The following NEO1 variants were observed in gnomAD, a reference collection of about 807,000 sequenced individuals.
The protein encoded by NEO1 is neogenin 1.
Under a neutral mutation model 159.7 loss-of-function variants are expected in NEO1, and 63 were observed. That is an observed-to-expected ratio of 0.39 (90% CI 0.32 to 0.49). The LOEUF is 0.49. Among genes scored for constraint, NEO1 ranks in the 20% least tolerant of loss-of-function variants. NEO1 has a pLI of 0.85. For missense variants in NEO1, 1,615 were observed against 1,831.0 expected (o/e 0.88, Z 2.15); for synonymous variants, 633 against 662.0 (o/e 0.96, Z 0.67).
At chr15:73,179,502 G>A (rs2035477339) in intron 7 of NEO1, among the ~76,000 whole-genome samples, 1 of 152,214 alleles carries the variant, frequency 6.6e-6, no homozygotes, top group Non-Finnish European at 1.5e-5. Flanking sequence ...AGTGGATCAG[G>A]TGTAAGGGGA....
At chr15:73,151,624 G>T (rs1247228489) in intron 5 of NEO1, among the ~76,000 whole-genome samples, 1 of 152,144 alleles carries the variant, frequency 6.6e-6, no homozygotes, top group African/African-American at 2.4e-5. Context: ...GCAGGAAGGA[G>T]AAGTGCCAAG....
chr15:73,246,446 T>C (rs2039801850), intron 9 of NEO1, among the ~76,000 whole-genome samples: 1 of 152,210 alleles, frequency 6.6e-6, no homozygotes, highest in Non-Finnish European at 1.5e-5. Flanking sequence ...CAAGCTCAGT[T>C]ACCCTTCATC....
At chr15:73,052,319 C>T (rs1415809028), upstream of NEO1, among the ~76,000 whole-genome samples, 2 of 123,802 alleles carry the variant, frequency 1.6e-5, no homozygotes, top group Non-Finnish European at 3.5e-5. Context: ...GCCCCCGCCC[C>T]CGCCGTCCGC....
intron 19 of NEO1, 70 bp from the exon 20 acceptor site, chr15:73,273,741 T>C (rs1208211493): frequency 3.6e-6 from 4 of 1,100,486 alleles, no homozygotes; most frequent in Non-Finnish European, 5.4e-6. Flanking sequence ...TAATAGGTAC[T>C]TATTGATTTA....
At chr15:73,163,073 CCTAAAGGTTTTATA>C (rs1487290075) in intron 5 of NEO1, 1 of 152,028 alleles carries the variant, frequency 6.6e-6, no homozygotes, top group Admixed American at 6.6e-5. Context: ...TATTTTTCTT[CCTAAAGGTTTTATA>C]CTTTACTTGT....
At chr15:73,132,101 A>G (rs903567606) in intron 4 of NEO1, among the ~76,000 whole-genome samples, 4 of 152,196 alleles carry the variant, frequency 2.6e-5, no homozygotes, top group Non-Finnish European at 5.9e-5. Flanking sequence ...CTTGAGATGC[A>G]TGACAGCACT....
chr15:73,189,688 G>A (rs970901662), intron 7 of NEO1, among the ~76,000 whole-genome samples: 22 of 152,220 alleles, frequency 1.4e-4, no homozygotes, highest in African/African-American at 5.1e-4. Context: ...AAGAAGCTGC[G>A]TTGGAGCGTC....
At chr15:73,255,940 T>C (rs1236834783) in intron 13 of NEO1, 2 of 152,200 alleles carry the variant, frequency 1.3e-5, no homozygotes, top group African/African-American at 2.4e-5. Context: ...ATGTTTAATC[T>C]CGGGACAAAA....
At chr15:73,288,656 A>T (rs1266618669) in intron 24 of NEO1, 105 bp downstream of exon 24, 17 of 905,542 alleles carry the variant, frequency 1.9e-5, no homozygotes, top group Non-Finnish European at 2.6e-5. Context: ...TTCCTATATG[A>T]GATCAGATTT....
Position 73,178,425 on chromosome 15 carries a change from A to G in NEO1, c.1289A>G (p.His430Arg), listed in dbSNP as rs1230296224. The G allele has an allele frequency of 6.2e-7, 1 of 1,613,646 alleles. No homozygotes were observed. Among genetic ancestry groups the G allele is most frequent in the South Asian group, 1.1e-5 (1 of 91,024 alleles). Residue 430 changes from histidine (H) to arginine (R), a missense_variant and splice_region_variant, in exon 7 of 29, where the codon CAT (histidine) becomes CGT (arginine). Physicochemically the swap from His to Arg is conservative, Grantham distance 29 (BLOSUM62 0). This residue lies in a region of NEO1 where 1,018 missense variants were observed against 1,115.4 expected (regional missense o/e 0.91). Coordinates refer to ENST00000261908, the MANE Select transcript of NEO1 (RefSeq NM_002499.4). Reference sequence around the variant, plus strand: ...GGAGCCCAACTGATAATCCTTGAACATGGTAAGAAGGGCTGAAATAGTCAG... The same window carrying G: ...GGAGCCCAACTGATAATCCTTGAACGTGGTAAGAAGGGCTGAAATAGTCAG... ...QAGAQLIILE[H>R]APATTGPLPS...
At chr15:73,212,384 T>C (rs1370761332) in intron 7 of NEO1, among the ~76,000 whole-genome samples, 1 of 152,214 alleles carries the variant, frequency 6.6e-6, no homozygotes, top group African/African-American at 2.4e-5. Flanking sequence ...TAATTTACTT[T>C]TCTTCTATCC....
intron 1 of NEO1, among the ~76,000 whole-genome samples, chr15:73,090,557 G>C (rs1167622319): frequency 6.6e-6 from 1 of 152,132 alleles, no homozygotes; most frequent in Non-Finnish European, 1.5e-5. Context: ...AAAAAGGTGG[G>C]AACTGTTGAT....
At chr15:73,066,888 C>T (rs192802616) in intron 1 of NEO1, among the ~76,000 whole-genome samples, 1 of 152,180 alleles carries the variant, frequency 6.6e-6, no homozygotes, top group Non-Finnish European at 1.5e-5. Flanking sequence ...CAGATTTGTC[C>T]CTTTGGCTTT....
chr15:73,233,897 G>T (rs189151830), intron 7 of NEO1, among the ~76,000 whole-genome samples: 65 of 152,262 alleles, frequency 4.3e-4, no homozygotes, highest in Admixed American at 2.2e-3. Flanking sequence ...TCAGCTTGGG[G>T]TTTAGGTAGG....
At chr15:73,171,083 C>T (rs886598197) in intron 5 of NEO1, among the ~76,000 whole-genome samples, 4 of 151,782 alleles carry the variant, frequency 2.6e-5, no homozygotes, top group African/African-American at 9.7e-5. Flanking sequence ...TTAAATACCA[C>T]TATGGCAATG....
At chr15:73,174,865 G>C (rs2035192905) in intron 5 of NEO1, among the ~76,000 whole-genome samples, 2 of 152,192 alleles carry the variant, frequency 1.3e-5, no homozygotes, top group Admixed American at 1.3e-4. Flanking sequence ...GCTATTAATA[G>C]ATTTCCCTGA....
At chr15:73,293,763 T>C (rs2042247927) in intron 26 of NEO1, among the ~76,000 whole-genome samples, 1 of 152,244 alleles carries the variant, frequency 6.6e-6, no homozygotes, top group Admixed American at 6.5e-5. Flanking sequence ...GGTTTTCTTT[T>C]AGTAAAAACA....
chr15:73,169,643 C>CTTTTTTTT (rs35991255), intron 5 of NEO1, among the ~76,000 whole-genome samples: 1 of 105,244 alleles, frequency 9.5e-6, no homozygotes, highest in Non-Finnish European at 1.9e-5. Flanking sequence ...CTCCCCCCTC[C>CTTTTTTTT]TTTTTTTTTT....
chr15:73,123,655 A>G (rs1160250371), intron 3 of NEO1, among the ~76,000 whole-genome samples: 1 of 152,072 alleles, frequency 6.6e-6, no homozygotes, highest in Non-Finnish European at 1.5e-5. Context: ...CTCACTGTAT[A>G]ACTTCTGCTT....
Sources: gnomAD v4.1 joint callset for allele counts (sites outside exome capture counted in the v4.1 genomes callset) on GRCh38, gnomAD v4.1.1 for gene constraint, gnomAD v4.1.1 regional missense constraint, MANE v1.5 for transcripts, NCBI Gene and HGNC (gene_info 2026-07-23, HGNC 2026-07-21) for gene names.